Variants in PDE1C observed in about 807,000 individuals in gnomAD.
PDE1C encodes phosphodiesterase 1C.
Under a neutral mutation model 93.1 loss-of-function variants are expected in PDE1C, and 62 were observed. The ratio of observed to expected loss-of-function variants is 0.67; its 90% CI spans 0.54 to 0.82. The LOEUF (loss-of-function observed/expected upper bound fraction) is 0.82. PDE1C is among the 40% of genes least tolerant of loss of function. The probability of loss-of-function intolerance (pLI) is 0.00; values close to 1 mark genes in which losing one functional copy is unlikely to be tolerated. For synonymous variants in PDE1C, 325 were observed against 310.1 expected (o/e 1.05, Z -0.50); for missense variants, 742 against 884.6 (o/e 0.84, Z 2.04).
At chr7:32,189,547 C>T (rs190572557) in intron 2 of PDE1C, among the ~76,000 whole-genome samples, 4 of 152,160 alleles carry the variant, frequency 2.6e-5, no homozygotes, top group Admixed American at 1.3e-4. Context: ...CCTAGTATTC[C>T]TTTGGGAAGT....
At chr7:31,979,843 A>C (rs936756526) in intron 2 of PDE1C, among the ~76,000 whole-genome samples, 1 of 152,214 alleles carries the variant, frequency 6.6e-6, no homozygotes, top group Non-Finnish European at 1.5e-5. Flanking sequence ...GATACAAGTC[A>C]ACAACTACAG....
At chr7:32,055,508 A>G (rs1209685238) in intron 1 of PDE1C, among the ~76,000 whole-genome samples, 1 of 152,208 alleles carries the variant, frequency 6.6e-6, no homozygotes, top group Non-Finnish European at 1.5e-5. Context: ...AAATTAAGGA[A>G]TGTATACAAA....
the PDE1C span, among the ~76,000 whole-genome samples, chr7:31,734,083 A>G: frequency 2.0e-5 from 3 of 152,044 alleles, no homozygotes; most frequent in African/African-American, 7.2e-5. Context: ...CTCCCCCACC[A>G]CCAAAACTTG....
intron 2 of PDE1C, among the ~76,000 whole-genome samples, chr7:32,014,645 G>A (rs1367543412): frequency 2.0e-5 from 3 of 151,888 alleles, no homozygotes; most frequent in Non-Finnish European, 2.9e-5. Context: ...AGTATGTGTT[G>A]TTCCCCTCCC....
At chr7:31,702,211 T>TTTA in the PDE1C span, among the ~76,000 whole-genome samples, 90 of 139,460 alleles carry the variant, frequency 6.5e-4, no homozygotes, top group African/African-American at 2.5e-3. Flanking sequence ...TTATTTATTT[T>TTTA]TTTTTTTGCC....
intron 10 of PDE1C, among the ~76,000 whole-genome samples, 172 bp from the exon 11 acceptor site, chr7:31,837,472 C>T (rs568804174): frequency 2.0e-5 from 3 of 152,346 alleles, no homozygotes; most frequent in African/African-American, 7.2e-5. Flanking sequence ...TACTCATTAA[C>T]TTGGTCTCCA....
intron 2 of PDE1C, among the ~76,000 whole-genome samples, chr7:32,043,147 T>A (rs1256566125): frequency 6.6e-6 from 1 of 152,092 alleles, no homozygotes; most frequent in African/African-American, 2.4e-5. Flanking sequence ...CATCCTACAA[T>A]GCACAGGACA....
the PDE1C span, among the ~76,000 whole-genome samples, chr7:31,725,744 C>A: frequency 6.6e-6 from 1 of 152,124 alleles, no homozygotes; most frequent in African/African-American, 2.4e-5. Flanking sequence ...CATATTACTT[C>A]TTACAGCTGC....
the PDE1C span, among the ~76,000 whole-genome samples, chr7:31,720,033 G>A: frequency 2.0e-5 from 3 of 150,910 alleles, no homozygotes; most frequent in African/African-American, 4.9e-5. Flanking sequence ...CGCGGTGGCG[G>A]GCGCCTGTAG....
At chr7:31,774,514 G>T (rs1795703933) in intron 17 of PDE1C, among the ~76,000 whole-genome samples, 1 of 152,138 alleles carries the variant, frequency 6.6e-6, no homozygotes, top group African/African-American at 2.4e-5. Context: ...CTTTGAGCCA[G>T]CAATCTTACT....
intron 1 of PDE1C, among the ~76,000 whole-genome samples, chr7:32,237,033 A>T (rs1201259156): frequency 6.6e-6 from 1 of 152,146 alleles, no homozygotes; most frequent in Non-Finnish European, 1.5e-5. Context: ...AGTCAAAAAA[A>T]AGTCAGTCTC....
the PDE1C span, among the ~76,000 whole-genome samples, chr7:31,716,682 T>C: frequency 1.3e-5 from 2 of 152,220 alleles, no homozygotes; most frequent in Non-Finnish European, 1.5e-5. Flanking sequence ...GTTATATTGC[T>C]TTCTTGTCTC....
intron 1 of PDE1C, among the ~76,000 whole-genome samples, chr7:32,387,455 G>A (rs1784652360): frequency 6.6e-6 from 1 of 151,566 alleles, no homozygotes; most frequent in African/African-American, 2.4e-5. Context: ...GGGCGGCCGG[G>A]CAGAAGCGCC....
chr7:32,385,574 C>T (rs1203819758), intron 1 of PDE1C, among the ~76,000 whole-genome samples: 4 of 152,106 alleles, frequency 2.6e-5, no homozygotes, highest in African/African-American at 4.8e-5. Context: ...TGGTAGGAAG[C>T]CCATCCTGGG....
intron 1 of PDE1C, among the ~76,000 whole-genome samples, chr7:32,314,396 CAA>C (rs1783126196): frequency 6.6e-6 from 1 of 152,084 alleles, no homozygotes; most frequent in South Asian, 2.1e-4. Context: ...TTTGTCACAT[CAA>C]AGACTCCTGA....
At chr7:32,044,770 G>A (rs902768195) in intron 2 of PDE1C, among the ~76,000 whole-genome samples, 1 of 152,172 alleles carries the variant, frequency 6.6e-6, no homozygotes, top group African/African-American at 2.4e-5. Flanking sequence ...GGGCTCAGAA[G>A]TTTTGATCCT....
chr7:32,306,955 A>G (rs908844067), intron 1 of PDE1C, among the ~76,000 whole-genome samples: 3 of 152,220 alleles, frequency 2.0e-5, no homozygotes, highest in African/African-American at 4.8e-5. Context: ...TTAGAAATGC[A>G]TCTGGTTTCC....
chr7:32,330,969 C>T (rs1783501393), intron 1 of PDE1C, among the ~76,000 whole-genome samples: 3 of 152,156 alleles, frequency 2.0e-5, no homozygotes, highest in Non-Finnish European at 4.4e-5. Context: ...TCCTCTGTCT[C>T]CTTGGGGTTG....
intron 2 of PDE1C, among the ~76,000 whole-genome samples, chr7:31,977,881 T>C (rs17335094): frequency 0.21 from 32,361 of 152,172 alleles, 4,073 homozygotes; most frequent in Non-Finnish European, 0.29. Context: ...TGACTTATAA[T>C]AAAAGTATCC....
Sources: allele counts gnomAD v4.1 joint callset (sites outside exome capture counted in the v4.1 genomes callset), GRCh38; gene constraint gnomAD v4.1.1; transcripts MANE v1.5; gene names NCBI Gene and HGNC (gene_info 2026-07-23, HGNC 2026-07-21).